Variants in RUBCNL observed in about 807,000 individuals in gnomAD.
RUBCNL encodes the protein protein associated with UVRAG as autophagy enhancer.
A neutral mutation model predicts 69.5 loss-of-function variants in RUBCNL; 62 were observed. That is an observed-to-expected ratio of 0.89 (90% CI 0.73 to 1.10). The LOEUF is 1.10. RUBCNL is among the 50% of genes least tolerant of loss of function. RUBCNL has a pLI of 0.00. For missense variants in RUBCNL, 768 were observed against 798.1 expected (o/e 0.96, Z 0.45); for synonymous variants, 291 against 303.6 (o/e 0.96, Z 0.43).
In RUBCNL at chr13:46,336,948, G is replaced by T. The variant is rs1267480865; in HGVS notation, c.*6437C>A. Among the ~76,000 whole-genome samples the T allele has an allele frequency of 6.6e-6, 1 of 151,898 alleles. No individual in the cohort carries two copies. The highest frequency in any genetic ancestry group is 1.5e-5 in the Non-Finnish European group (1 of 67,994). ...GTAGAATAGTTTTTGATGTCTGCAT[G>T]ACTGTTATGGACTGAATATTTATAT... On this transcript the variant is annotated 3_prime_UTR_variant, in exon 15 of 15. Transcript: ENST00000429979.
At chr13:46,357,798 T>G (rs1039582283) in intron 9 of RUBCNL, among the ~76,000 whole-genome samples, 28 of 151,836 alleles carry the variant, frequency 1.8e-4, no homozygotes, top group Non-Finnish European at 3.1e-4. Flanking sequence ...CCCGGCTAAT[T>G]TTTGTATTTT....
chr13:46,372,181 G>C lies in RUBCNL; in HGVS notation c.295C>G (p.Leu99Val), dbSNP rs759121795. The C allele has an allele frequency of 6.2e-7, 1 of 1,614,034 alleles. No individual in the cohort carries two copies. Among genetic ancestry groups the C allele is most frequent in the Non-Finnish European group, 8.5e-7 (1 of 1,179,884 alleles). Residue 99 changes from leucine to valine, a missense_variant, in exon 3 of 15, where the codon CTG becomes GTG. By Grantham distance (32) the Leu-to-Val change is conservative. Coordinates refer to ENST00000429979, the MANE Select transcript of RUBCNL (RefSeq NM_025113.5). ...GPSPSCLGDS[L>V]AETTLSEDTT... ...TCCTCAGACAACGTTGTCTCTGCCAGGGAGTCCCCGAGGCACGAAGGTGAA... is the reference window on the plus strand; with the variant it reads ...TCCTCAGACAACGTTGTCTCTGCCACGGAGTCCCCGAGGCACGAAGGTGAA...
rs55668114 is a variant in RUBCNL at position 46,337,293 on chromosome 13, C to G, written c.*6092G>C. 6.6e-6 allele frequency among the ~76,000 whole-genome samples: 1 copy of G among 152,078 alleles called. No homozygotes were observed. The highest frequency in any genetic ancestry group is 1.5e-5 in the Non-Finnish European group (1 of 68,030). ...GAGTAGCTGGGATTACAGGCACTTGCGACCACACCTAATTTTTGTATTTTT... is the reference window on the plus strand; with the variant it reads ...GAGTAGCTGGGATTACAGGCACTTGGGACCACACCTAATTTTTGTATTTTT... On this transcript the variant is annotated 3_prime_UTR_variant, in exon 15 of 15. Coordinates refer to ENST00000429979, the MANE Select transcript of RUBCNL (RefSeq NM_025113.5).
chr13:46,359,227 G>A (rs1268343699), intron 9 of RUBCNL, among the ~76,000 whole-genome samples: 1 of 151,020 alleles, frequency 6.6e-6, no homozygotes, highest in Non-Finnish European at 1.5e-5. Context: ...CAGTTGCTAC[G>A]CAATATTGAC....
rs1555333093 is a variant in RUBCNL, at chr13:46,335,242, T to TTTTTTTTTGTTG, written c.*8142_*8143insCAACAAAAAAAA. On this transcript the variant is annotated 3_prime_UTR_variant, in exon 15 of 15. Coordinates refer to ENST00000429979, the MANE Select transcript of RUBCNL (RefSeq NM_025113.5). The stretch of plus-strand genomic sequence containing the variant: ...ATTGTGCCCAGCTAATTTGTGTCTT[T>TTTTTTTTTGTTG]TTGTTGTTGTTGTTGTTGTTTTTTT... Among the ~76,000 whole-genome samples, 2 of 142,096 alleles carry TTTTTTTTTGTTG rather than the reference T, an allele frequency of 1.4e-5. No homozygotes were observed. Among genetic ancestry groups the TTTTTTTTTGTTG allele is most frequent in the South Asian group, 4.5e-4 (2 of 4,460 alleles). The allele number at this position is 142,096 out of a possible 152,430, so 93.2% of individuals were successfully genotyped here. A position where few individuals can be genotyped will look rare whatever the true frequency, so the allele number is the denominator to read the frequency against.
chr13:46,354,960 G>A, intron 10 of RUBCNL: 2 of 392,782 alleles, frequency 5.1e-6, no homozygotes, highest in East Asian at 7.3e-5. Flanking sequence ...GGATACAGTG[G>A]TTAACCAAAG....
In RUBCNL at chr13:46,387,177, G is replaced by A. The variant is rs1594194100; in HGVS notation, c.-282C>T. On this transcript the variant is annotated 5_prime_UTR_variant, in exon 1 of 15. Transcript: ENST00000429979. ...TGGAACGCTGCGCTGGGTAAACGCCGCGCGTCGGGTCCTCCCTCGCGCGGC... is the reference window on the plus strand; with the variant it reads ...TGGAACGCTGCGCTGGGTAAACGCCACGCGTCGGGTCCTCCCTCGCGCGGC... The A allele has an allele frequency of 1.0e-6, 1 of 984,874 alleles. No homozygotes were observed. The highest frequency in any genetic ancestry group is 1.2e-6 in the Non-Finnish European group (1 of 829,760). The allele number at this position is 984,874 out of a possible 1,614,324, so 61.0% of individuals were successfully genotyped here. A position where few individuals can be genotyped will look rare whatever the true frequency, so the allele number is the denominator to read the frequency against.
upstream of RUBCNL, chr13:46,387,582 T>G: frequency 2.0e-6 from 2 of 985,438 alleles, no homozygotes; most frequent in Non-Finnish European, 2.4e-6. Flanking sequence ...CAACCCCAGA[T>G]GCCCCCAGCA....
In RUBCNL at chr13:46,338,012, G is replaced by A. The variant is rs2048115016; in HGVS notation, c.*5373C>T. Among the ~76,000 whole-genome samples, 1 of 152,158 alleles carries A rather than the reference G, an allele frequency of 6.6e-6. No homozygotes were observed. Among genetic ancestry groups the A allele is most frequent in the South Asian group, 2.1e-4 (1 of 4,830 alleles). On this transcript the variant is annotated 3_prime_UTR_variant, in exon 15 of 15. Coordinates refer to ENST00000429979, the MANE Select transcript of RUBCNL (RefSeq NM_025113.5). ...CCAAAAGTTCAGAGAGCTGTCCCCAGTAGAATAATGAGGTAAATGCAGATA... is the reference window on the plus strand; with the variant it reads ...CCAAAAGTTCAGAGAGCTGTCCCCAATAGAATAATGAGGTAAATGCAGATA...
At chr13:46,363,929 C>T (rs1417258494) in intron 5 of RUBCNL, among the ~76,000 whole-genome samples, 1 of 148,844 alleles carries the variant, frequency 6.7e-6, no homozygotes, top group Non-Finnish European at 1.5e-5. Flanking sequence ...AGTATTAATA[C>T]TATTAATAAT....
intron 1 of RUBCNL, among the ~76,000 whole-genome samples, chr13:46,383,511 A>C (rs1029899303): frequency 2.6e-5 from 4 of 152,096 alleles, no homozygotes; most frequent in African/African-American, 7.2e-5. Context: ...CACAGTTCCA[A>C]ATTTTCTACA....
intron 4 of RUBCNL, 51 bp from the exon 5 acceptor site, chr13:46,368,300 G>A: frequency 1.3e-6 from 2 of 1,543,206 alleles, no homozygotes; most frequent in East Asian, 2.4e-5. Flanking sequence ...CTTTTTCATG[G>A]AGGGTATATT....
At chr13:46,379,718 A>G (rs1419244582) in intron 1 of RUBCNL, among the ~76,000 whole-genome samples, 4 of 152,236 alleles carry the variant, frequency 2.6e-5, no homozygotes, top group African/African-American at 4.8e-5. Flanking sequence ...ATGGTACGTT[A>G]CTAAGCACAG....
intron 5 of RUBCNL, among the ~76,000 whole-genome samples, chr13:46,366,442 C>T (rs754325286): frequency 6.6e-5 from 10 of 152,100 alleles, no homozygotes; most frequent in Non-Finnish European, 1.2e-4. Flanking sequence ...GCCCAAAGTC[C>T]CCGAAAAGAT....
upstream of RUBCNL, among the ~76,000 whole-genome samples, chr13:46,389,004 A>G (rs192106038): frequency 2.4e-3 from 369 of 152,330 alleles, 2 homozygotes; most frequent in Non-Finnish European, 7.1e-4. The surrounding 1 kb of genome is among the most constrained non-coding windows in gnomAD (Gnocchi z 4.2). Flanking sequence ...TAAAATTCCA[A>G]ATACAGTATC....
chr13:46,336,079 G>A lies in RUBCNL; in HGVS notation c.*7306C>T, dbSNP rs182738346. Among the ~76,000 whole-genome samples the A allele has an allele frequency of 3.6e-3, 543 of 152,368 alleles. No homozygotes were observed. Among genetic ancestry groups the A allele is most frequent in the Middle Eastern group, 0.01 (3 of 294 alleles). On this transcript the variant is annotated 3_prime_UTR_variant, in exon 15 of 15. Transcript: ENST00000429979. ...GACCACTGTCTACAGAGGAAGGGGA[G>A]AAATCACAAATGTCATGATGTTTCC... is the stretch of plus-strand genomic sequence containing the variant.
At position 46,353,579 on chromosome 13, in the gene RUBCNL, T is replaced by G. The variant is rs752927143; in HGVS notation, c.1330+2853A>C. 3.2e-4 allele frequency among the ~76,000 whole-genome samples: 48 copies of G among 152,246 alleles called. 1 individual carries two copies. Among genetic ancestry groups the G allele is most frequent in the Non-Finnish European group, 1.2e-4 (8 of 68,040 alleles). Reference sequence around the variant, plus strand: ...TGCAAATGTCTGGCGCCATTTTCAGTGGCCACTGGGAGCTGCTTCTGGCAC... The same window carrying G: ...TGCAAATGTCTGGCGCCATTTTCAGGGGCCACTGGGAGCTGCTTCTGGCAC... On this transcript the variant is annotated intron_variant, in intron 10 of 14. Coordinates refer to ENST00000429979, the MANE Select transcript of RUBCNL (RefSeq NM_025113.5).
rs565706923 is a variant in RUBCNL, at chr13:46,339,625, G to A, written c.*3760C>T. 1.3e-5 allele frequency among the ~76,000 whole-genome samples: 2 copies of A among 152,288 alleles called. No homozygotes were observed. The highest frequency in any genetic ancestry group is 4.8e-5 in the African/African-American group (2 of 41,556). The stretch of plus-strand genomic sequence containing the variant: ...TGTAATCCCAGCACTTTTGGAAGCC[G>A]AAGCAGGCAGATCACCTGAGGTCAG... On this transcript the variant is annotated 3_prime_UTR_variant, in exon 15 of 15. Transcript: ENST00000429979.
rs1246748528 is a variant in RUBCNL at position 46,339,291 on chromosome 13, TC to T, written c.*4093del. 8.6e-4 allele frequency among the ~76,000 whole-genome samples: 131 copies of T among 152,266 alleles called. No individual in the cohort carries two copies. Among genetic ancestry groups the T allele is most frequent in the African/African-American group, 3.0e-3 (126 of 41,552 alleles). On this transcript the variant is annotated 3_prime_UTR_variant, in exon 15 of 15. Transcript: ENST00000429979. ...GAAAAAGGGGAACTACGGTTTTCCT[TC>T]CCATACCAGTTGAGAAATTATTTAA...
Sources: allele counts gnomAD v4.1 joint callset (sites outside exome capture counted in the v4.1 genomes callset), GRCh38; gene constraint gnomAD v4.1.1; non-coding constraint Gnocchi (gnomAD v3.1); transcripts MANE v1.5; gene names NCBI Gene and HGNC (gene_info 2026-07-23, HGNC 2026-07-21).